SLC14A2: variants seen among roughly 807,000 people sequenced by gnomAD.
The protein encoded by SLC14A2 is solute carrier family 14 member 2, also known as urea transporter 2.
Under a neutral mutation model 104.6 loss-of-function variants are expected in SLC14A2, and 91 were observed. The observed-to-expected ratio is 0.87, with a 90% confidence interval of 0.73 to 1.04. The LOEUF (loss-of-function observed/expected upper bound fraction) is 1.04, where lower values mean the gene tolerates loss of function less well. Ranked by LOEUF, SLC14A2 falls within the 50% of genes least tolerant of loss-of-function variation. The pLI, the probability that SLC14A2 is intolerant of heterozygous loss-of-function variation, is 0.00. For missense variants in SLC14A2, 1,189 were observed against 1,156.0 expected (o/e 1.03, Z -0.41); for synonymous variants, 476 against 466.4 (o/e 1.02, Z -0.27).
At chr18:45,609,529 C>T (rs1280032845) in intron 2 of SLC14A2, among the ~76,000 whole-genome samples, 1 of 152,148 alleles carries the variant, frequency 6.6e-6, no homozygotes, top group African/African-American at 2.4e-5. Context: ...CAGCATTCCT[C>T]ATTGGAGTTT....
the SLC14A2 span, among the ~76,000 whole-genome samples, chr18:45,194,948 T>C: frequency 6.6e-6 from 1 of 152,078 alleles, no homozygotes; most frequent in Non-Finnish European, 1.5e-5. Context: ...TTGTAGACTT[T>C]CCCAAATCTT....
intron 1 of SLC14A2, among the ~76,000 whole-genome samples, chr18:45,479,819 C>A (rs1268157836): frequency 6.6e-6 from 1 of 152,160 alleles, no homozygotes; most frequent in Non-Finnish European, 1.5e-5. Flanking sequence ...TTCACATTAC[C>A]CACAGCAACA....
At chr18:45,479,184 A>G (rs1036041446) in intron 1 of SLC14A2, among the ~76,000 whole-genome samples, 5 of 152,252 alleles carry the variant, frequency 3.3e-5, no homozygotes, top group African/African-American at 1.2e-4. Context: ...GGGCAGGGCT[A>G]TCTTAACAAC....
chr18:45,421,989 C>A (rs2086355349), intron 1 of SLC14A2, among the ~76,000 whole-genome samples: 1 of 152,130 alleles, frequency 6.6e-6, no homozygotes, highest in South Asian at 2.1e-4. Context: ...GGTTATACCA[C>A]AGAAATGAGA....
chr18:45,601,513 A>T (rs1303965059), intron 2 of SLC14A2, among the ~76,000 whole-genome samples: 1 of 152,146 alleles, frequency 6.6e-6, no homozygotes, highest in Non-Finnish European at 1.5e-5. Flanking sequence ...TCCATTCACC[A>T]CTCAGAGCTA....
intron 1 of SLC14A2, among the ~76,000 whole-genome samples, chr18:45,316,092 G>A (rs2085126744): frequency 1.3e-5 from 2 of 152,142 alleles, no homozygotes; most frequent in African/African-American, 4.8e-5. Context: ...CACACCCTAT[G>A]CCATTTGTGC....
chr18:45,634,068 C>G (rs543673110), intron 5 of SLC14A2, among the ~76,000 whole-genome samples: 198 of 152,248 alleles, frequency 1.3e-3, no homozygotes, highest in African/African-American at 4.6e-3. Flanking sequence ...GACTTCAGTG[C>G]CCCCCATCCC....
chr18:45,494,551 C>T (rs534805054), intron 2 of SLC14A2, among the ~76,000 whole-genome samples: 130 of 152,212 alleles, frequency 8.5e-4, no homozygotes, highest in Non-Finnish European at 1.4e-3. Context: ...GCACATGCCA[C>T]CATGCCCAGA....
chr18:45,531,355 G>A (rs1425263696), intron 2 of SLC14A2, among the ~76,000 whole-genome samples: 2 of 152,138 alleles, frequency 1.3e-5, no homozygotes, highest in Non-Finnish European at 2.9e-5. Context: ...ATCCTCTCCA[G>A]CACCTGTTGT....
intron 2 of SLC14A2, among the ~76,000 whole-genome samples, chr18:45,551,141 A>G (rs1163625501): frequency 1.3e-5 from 2 of 152,208 alleles, no homozygotes; most frequent in African/African-American, 4.8e-5. Context: ...GTACTCTAAG[A>G]CAAGTTCTGC....
intron 10 of SLC14A2, among the ~76,000 whole-genome samples, chr18:45,651,308 G>T (rs2144587694): frequency 6.6e-6 from 1 of 152,308 alleles, no homozygotes; most frequent in East Asian, 1.9e-4. Context: ...ATGAGGCCAA[G>T]CTGGATGGAT....
At chr18:45,390,170 C>T (rs1459740407) in intron 1 of SLC14A2, among the ~76,000 whole-genome samples, 1 of 152,142 alleles carries the variant, frequency 6.6e-6, no homozygotes, top group African/African-American at 2.4e-5. Flanking sequence ...CAAAAATCGA[C>T]ACGAGCACTG....
intron 1 of SLC14A2, among the ~76,000 whole-genome samples, chr18:45,422,079 G>T (rs1048769140): frequency 6.6e-6 from 1 of 152,236 alleles, no homozygotes; most frequent in Admixed American, 6.5e-5. Flanking sequence ...ATCTCTCAGA[G>T]AAGGTAGGGC....
chr18:45,632,145 TTGTGTG>T (rs34666828), intron 4 of SLC14A2, among the ~76,000 whole-genome samples, 199 bp from the exon 5 acceptor site: 104 of 113,480 alleles, frequency 9.2e-4, no homozygotes, highest in African/African-American at 2.2e-3. Context: ...GTGTGTGTGT[TTGTGTG>T]TGTGTGTGTG....
intron 2 of SLC14A2, among the ~76,000 whole-genome samples, chr18:45,560,448 C>T (rs1465609448): frequency 2.6e-5 from 4 of 152,018 alleles, no homozygotes; most frequent in African/African-American, 9.7e-5. Context: ...CCTTTTTGGC[C>T]CTCCTTCTCA....
At chr18:45,267,939 A>T (rs1484730139) in intron 1 of SLC14A2, among the ~76,000 whole-genome samples, 1 of 152,142 alleles carries the variant, frequency 6.6e-6, no homozygotes, top group African/African-American at 2.4e-5. Context: ...GTGTTCTTTC[A>T]TCTCAAATCC....
At chr18:45,633,641 C>A (rs2045378440) in intron 5 of SLC14A2, among the ~76,000 whole-genome samples, 1 of 152,212 alleles carries the variant, frequency 6.6e-6, no homozygotes, top group Non-Finnish European at 1.5e-5. Flanking sequence ...ACCCTGTTCT[C>A]AACTTCCCTC....
intron 18 of SLC14A2, among the ~76,000 whole-genome samples, chr18:45,674,072 A>G (rs905341331): frequency 2.0e-5 from 3 of 152,176 alleles, no homozygotes; most frequent in Non-Finnish European, 4.4e-5. Context: ...TACTCGTTAC[A>G]TATGGAATTG....
At chr18:45,506,781 G>A (rs964586049) in intron 2 of SLC14A2, among the ~76,000 whole-genome samples, 24 of 152,292 alleles carry the variant, frequency 1.6e-4, no homozygotes, top group African/African-American at 4.1e-4. Context: ...CTGAAGTACC[G>A]AGTTTATTGG....
Sources: allele counts gnomAD v4.1 joint callset (sites outside exome capture counted in the v4.1 genomes callset), GRCh38; gene constraint gnomAD v4.1.1; transcripts MANE v1.5; gene names NCBI Gene and HGNC (gene_info 2026-07-23, HGNC 2026-07-21).